Variants in APP observed in about 807,000 individuals in gnomAD.
APP encodes amyloid beta precursor protein, also known as amyloid-beta precursor protein.
Under a neutral mutation model 101.4 loss-of-function variants are expected in APP, and 31 were observed. That is an observed-to-expected ratio of 0.31 (90% CI 0.23 to 0.41). APP has a LOEUF of 0.41. Among genes scored for constraint, APP ranks in the 10% least tolerant of loss-of-function variants. APP has a pLI of 1.00. For synonymous variants in APP, 366 were observed against 364.4 expected (o/e 1.00, Z -0.05); for missense variants, 839 against 1,003.7 (o/e 0.84, Z 2.22).
At chr21:25,997,226 G>T in intron 8 of APP, 134 bp downstream of exon 8, 1 of 868,680 alleles carries the variant, frequency 1.2e-6, no homozygotes, top group Admixed American at 2.0e-5. Flanking sequence ...GCAAGGTAAT[G>T]GGAAGAAACA....
chr21:25,881,755 G>A lies in APP; in HGVS notation c.2228C>T (p.Thr743Ile). The part of the protein sequence containing the change: ...HGVVEVDAAV[T>I]PEERHLSKMQ... ...CTTGGACAGGTGGCGCTCCTCTGGG[G>A]TGACAGCGGCGTCAACCTGAAAAAC... The change falls in exon 18 of 18, where the codon ACC (threonine) becomes ATC (isoleucine). Residue 743 changes from threonine (T) to isoleucine (I), a missense_variant. By Grantham distance (89) the Thr-to-Ile change is moderately conservative (BLOSUM62 -1). Coordinates refer to ENST00000346798, the MANE Select transcript of APP (RefSeq NM_000484.4). 5 of 1,613,740 alleles carry A rather than the reference G, an allele frequency of 3.1e-6. No homozygotes were observed. The highest frequency in any genetic ancestry group is 4.2e-6 in the Non-Finnish European group (5 of 1,180,026).
chr21:25,945,667 T>C, intron 13 of APP: 2 of 327,382 alleles, frequency 6.1e-6, no homozygotes, highest in Non-Finnish European at 1.2e-5. Context: ...TGTGTAATAG[T>C]GCCAAGACCA....
At chr21:25,974,257 T>C (rs1160927725) in intron 11 of APP, among the ~76,000 whole-genome samples, 1 of 152,184 alleles carries the variant, frequency 6.6e-6, no homozygotes, top group African/African-American at 2.4e-5. Flanking sequence ...TCCTTGACCT[T>C]AGTTATATTA....
chr21:26,103,508 T>C (rs1601468054), intron 2 of APP, among the ~76,000 whole-genome samples: 1 of 151,932 alleles, frequency 6.6e-6, no homozygotes, highest in Non-Finnish European at 1.5e-5. Flanking sequence ...GGCTGAGGCA[T>C]GAGAATCACT....
intron 1 of APP, among the ~76,000 whole-genome samples, chr21:26,133,400 G>A (rs1601541463): frequency 1.3e-5 from 2 of 152,308 alleles, no homozygotes; most frequent in Admixed American, 1.3e-4. Flanking sequence ...TTGAATGTCT[G>A]AATTATTCAC....
At chr21:26,044,570 G>A (rs765179115) in intron 5 of APP, among the ~76,000 whole-genome samples, 3 of 151,884 alleles carry the variant, frequency 2.0e-5, no homozygotes, top group African/African-American at 4.8e-5. Context: ...GTGGAGTTTC[G>A]CTCTTATTGC....
chr21:25,895,478 A>G (rs751688213), intron 16 of APP, among the ~76,000 whole-genome samples: 38 of 152,188 alleles, frequency 2.5e-4, no homozygotes, highest in Middle Eastern at 6.8e-3. Flanking sequence ...TAACTTTTAT[A>G]TGTACTGGGA....
At chr21:26,015,532 T>C (rs956186081) in intron 6 of APP, among the ~76,000 whole-genome samples, 1 of 152,240 alleles carries the variant, frequency 6.6e-6, no homozygotes, top group Non-Finnish European at 1.5e-5. Context: ...TTACTGGGCA[T>C]GATGGTAAGC....
At position 26,049,583 on chromosome 21, in the gene APP, G is replaced by A. The variant is rs1601324171; in HGVS notation, c.662+1417C>T. On this transcript the variant is annotated intron_variant, in intron 5 of 17. Coordinates refer to ENST00000346798, the MANE Select transcript of APP (RefSeq NM_000484.4). ...CATGAATAAGAAATGGAATTAAGTG[G>A]TAAGGTTACATGACTTGATACTTTA... Among the ~76,000 whole-genome samples, 3 of 152,276 alleles carry A rather than the reference G, an allele frequency of 2.0e-5. No homozygotes were observed. The East Asian group carries it at 5.8e-4, about 29-fold the overall frequency.
At chr21:26,142,688 G>A (rs1601563058) in intron 1 of APP, among the ~76,000 whole-genome samples, 2 of 152,004 alleles carry the variant, frequency 1.3e-5, no homozygotes, top group African/African-American at 4.8e-5. Context: ...AGCATCGCTT[G>A]AGCCCAGGAA....
intron 8 of APP, among the ~76,000 whole-genome samples, chr21:25,983,675 C>T (rs9305273): frequency 0.24 from 36,784 of 152,124 alleles, 4,922 homozygotes; most frequent in East Asian, 0.43. Flanking sequence ...TTTCCCTCCA[C>T]TTCAATCCTG....
At chr21:25,946,915 GGTCAACAATTT>G (rs1176950171) in intron 13 of APP, among the ~76,000 whole-genome samples, 2 of 152,014 alleles carry the variant, frequency 1.3e-5, no homozygotes, top group East Asian at 3.9e-4. Flanking sequence ...TACATATTAA[GGTCAACAATTT>G]GTCTGCCAGA....
intron 13 of APP, among the ~76,000 whole-genome samples, chr21:25,918,737 C>G (rs868271397): frequency 1.3e-5 from 2 of 151,224 alleles, no homozygotes; most frequent in Admixed American, 6.7e-5. Flanking sequence ...CCTACGCCCA[C>G]GGAATCGCGC....
intron 13 of APP, 92 bp downstream of exon 13, chr21:25,954,497 TC>T (rs2041225722): frequency 8.9e-7 from 1 of 1,128,374 alleles, no homozygotes; most frequent in African/African-American, 1.5e-5. Flanking sequence ...TCTATTAACT[TC>T]CATATTCCTC....
At chr21:26,016,930 TGGGGGGC>T (rs142850289) in intron 6 of APP, among the ~76,000 whole-genome samples, 5,250 of 23,560 alleles carry the variant, frequency 0.22, 521 homozygotes, top group Admixed American at 0.39. Flanking sequence ...CAGCACTTTG[TGGGGGGC>T]GGGGGGCGGG....
At chr21:26,069,274 C>T (rs1479312412) in intron 3 of APP, among the ~76,000 whole-genome samples, 2 of 152,164 alleles carry the variant, frequency 1.3e-5, no homozygotes, top group Non-Finnish European at 2.9e-5. Context: ...CACTCAAACT[C>T]TCCATACTCC....
At chr21:25,916,702 T>C (rs2039365601) in intron 13 of APP, among the ~76,000 whole-genome samples, 1 of 152,116 alleles carries the variant, frequency 6.6e-6, no homozygotes, top group Admixed American at 6.5e-5. Context: ...CCAACCGCTA[T>C]ATTAAACTAA....
At chr21:25,887,082 G>A (rs1329652899) in intron 17 of APP, among the ~76,000 whole-genome samples, 1 of 152,076 alleles carries the variant, frequency 6.6e-6, no homozygotes, top group Non-Finnish European at 1.5e-5. Flanking sequence ...TCTGTGAGAG[G>A]AAAACTTTTT....
chr21:25,957,105 A>T (rs45441101), intron 11 of APP, among the ~76,000 whole-genome samples: 1 of 152,188 alleles, frequency 6.6e-6, no homozygotes, highest in Admixed American at 6.5e-5. Context: ...AATAAAAATA[A>T]AACAACTTGG....
Sources: allele counts gnomAD v4.1 joint callset (sites outside exome capture counted in the v4.1 genomes callset), GRCh38; gene constraint gnomAD v4.1.1; transcripts MANE v1.5; gene names NCBI Gene and HGNC (gene_info 2026-07-23, HGNC 2026-07-21).